The following RYR3 variants were observed in gnomAD, a reference collection of about 807,000 sequenced individuals.
RYR3 encodes the protein ryanodine receptor 3, also known as brain ryanodine receptor-calcium release channel.
RYR3 carries 207 observed loss-of-function variants against 584.3 expected under a neutral mutation model. That is an observed-to-expected ratio of 0.35 (90% CI 0.32 to 0.40). The LOEUF (loss-of-function observed/expected upper bound fraction) is 0.40, where lower values mean the gene tolerates loss of function less well. RYR3 is among the 10% of genes least tolerant of loss of function. RYR3 has a pLI of 1.00. For synonymous variants in RYR3, 2,416 were observed against 2,248.5 expected (o/e 1.07, Z -2.11); for missense variants, 5,616 against 6,089.2 (o/e 0.92, Z 2.59).
intron 1 of RYR3, among the ~76,000 whole-genome samples, chr15:33,463,030 G>T (rs558283570): frequency 6.6e-6 from 1 of 152,128 alleles, no homozygotes; most frequent in African/African-American, 2.4e-5. Flanking sequence ...AAATTAGCCA[G>T]GCGCACCTTG....
chr15:33,420,032 A>G (rs1055779383), intron 1 of RYR3, among the ~76,000 whole-genome samples: 1 of 152,346 alleles, frequency 6.6e-6, no homozygotes, highest in Non-Finnish European at 1.5e-5. Context: ...CACCAGCAGA[A>G]TTAAAAACTA....
chr15:33,650,375 C>CA (rs950653508), intron 31 of RYR3, among the ~76,000 whole-genome samples: 8 of 151,516 alleles, frequency 5.3e-5, no homozygotes, highest in East Asian at 1.9e-4. Flanking sequence ...GTCTCTGTCT[C>CA]AAAAAAAATA....
intron 2 of RYR3, among the ~76,000 whole-genome samples, chr15:33,498,349 G>A (rs548365063): frequency 2.6e-5 from 4 of 152,220 alleles, no homozygotes; most frequent in South Asian, 2.1e-4. Flanking sequence ...ATCAGCATTC[G>A]TGATTTTTTG....
intron 66 of RYR3, among the ~76,000 whole-genome samples, chr15:33,787,790 A>T (rs1233630107): frequency 6.6e-6 from 1 of 152,236 alleles, no homozygotes; most frequent in Admixed American, 6.5e-5. Context: ...GAAAGCATAT[A>T]CTGAGTGCCC....
intron 43 of RYR3, among the ~76,000 whole-genome samples, chr15:33,714,938 C>CT (rs2067388010): frequency 6.6e-6 from 1 of 152,320 alleles, no homozygotes; most frequent in South Asian, 2.1e-4. Flanking sequence ...TCAACCACAC[C>CT]TACCTACATA....
intron 2 of RYR3, among the ~76,000 whole-genome samples, chr15:33,495,380 A>G (rs1027151063): frequency 2.0e-5 from 3 of 152,132 alleles, no homozygotes; most frequent in Non-Finnish European, 2.9e-5. Context: ...TAGGGTTTAA[A>G]TGTTCATCCC....
chr15:33,767,900 G>C (rs555843603), intron 60 of RYR3, among the ~76,000 whole-genome samples: 12 of 152,294 alleles, frequency 7.9e-5, no homozygotes, highest in South Asian at 6.2e-4. Flanking sequence ...CAGAAACAGC[G>C]ATGGACTCCT....
At chr15:33,735,171 A>G (rs921866592) in intron 48 of RYR3, among the ~76,000 whole-genome samples, 2 of 152,126 alleles carry the variant, frequency 1.3e-5, no homozygotes, top group African/African-American at 2.4e-5. Flanking sequence ...GACTTATTGC[A>G]CTCTTTGTAT....
At chr15:33,428,758 G>A (rs1171592821) in intron 1 of RYR3, among the ~76,000 whole-genome samples, 1 of 151,954 alleles carries the variant, frequency 6.6e-6, no homozygotes, top group Non-Finnish European at 1.5e-5. Flanking sequence ...TTTTTAAGAT[G>A]AGTAATAAAC....
chr15:33,376,042 G>T (rs570782701), intron 1 of RYR3, among the ~76,000 whole-genome samples: 2 of 152,074 alleles, frequency 1.3e-5, no homozygotes, highest in Non-Finnish European at 2.9e-5. Flanking sequence ...CCAGCCTGGG[G>T]AACAGAGTGC....
chr15:33,845,091 C>G (rs12899715), intron 93 of RYR3, 29 bp downstream of exon 93: 1,065,866 of 1,608,638 alleles, frequency 0.66, 362,660 homozygotes, highest in Admixed American at 0.72. Flanking sequence ...TGGATCTAAT[C>G]TCACTCCTTG....
chr15:33,741,910 G>A (rs111837560), intron 51 of RYR3, among the ~76,000 whole-genome samples: 30,020 of 152,020 alleles, frequency 0.2, 3,109 homozygotes, highest in African/African-American at 0.27. Context: ...CACAGCGCCC[G>A]GCCCCAAAAT....
At chr15:33,591,491 A>C (rs1296960121) in intron 16 of RYR3, among the ~76,000 whole-genome samples, 1 of 152,222 alleles carries the variant, frequency 6.6e-6, no homozygotes, top group Non-Finnish European at 1.5e-5. Flanking sequence ...GTGAGCCAGA[A>C]TCTACTCCTG....
chr15:33,605,088 G>A (rs1257035160), intron 18 of RYR3, among the ~76,000 whole-genome samples: 1 of 152,192 alleles, frequency 6.6e-6, no homozygotes, highest in Non-Finnish European at 1.5e-5. Context: ...AGACCCTGGG[G>A]TGAAGCAAAT....
intron 43 of RYR3, among the ~76,000 whole-genome samples, chr15:33,718,884 A>C (rs925340081): frequency 2.6e-5 from 4 of 152,198 alleles, no homozygotes; most frequent in African/African-American, 9.6e-5. Context: ...CTCATTATTC[A>C]TATTAGAACT....
chr15:33,721,087 A>G (rs2067872333), intron 43 of RYR3, among the ~76,000 whole-genome samples: 1 of 152,236 alleles, frequency 6.6e-6, no homozygotes, highest in Admixed American at 6.5e-5. Flanking sequence ...GTAACAATAA[A>G]TGACCAGGTT....
Position 33,503,729 on chromosome 15 carries a change from C to G in RYR3, c.270C>G (p.Gly90=). The G allele has an allele frequency of 6.2e-7, 1 of 1,607,394 alleles. No individual in the cohort carries two copies. Among genetic ancestry groups the G allele is most frequent in the Non-Finnish European group, 8.5e-7 (1 of 1,175,808 alleles). ...QEMLANTGEN[G]GEGAAQGGGH... ...TGCTTGCCAACACAGGTGAAAATGG[C>G]GGCGAAGGGGTGAGTACCCGAATTG... Residue 90 remains glycine, a synonymous_variant, in exon 3 of 104, where the codon GGC becomes GGG. Transcript: ENST00000634891.
At position 33,493,349 on chromosome 15, in the gene RYR3, T is replaced by G. The variant is rs12440444; in HGVS notation, c.172-10282T>G. ...TTTCTGATATGCAAGCTCTTTGGAA[T>G]AACATCTTCATGGTTTCTCATCACA... On this transcript the variant is annotated intron_variant, in intron 2 of 103. Coordinates refer to ENST00000634891, the MANE Select transcript of RYR3 (RefSeq NM_001036.6). Among the ~76,000 whole-genome samples, 207 of 152,354 alleles carry G rather than the reference T, an allele frequency of 1.4e-3. 3 individuals are homozygous for G. The East Asian group carries it at 0.016, about 12-fold the overall frequency.
intron 94 of RYR3, chr15:33,852,431 G>T: frequency 6.5e-6 from 1 of 154,280 alleles, no homozygotes; most frequent in East Asian, 1.9e-4. Flanking sequence ...GGATGGTACA[G>T]AACCATCTCC....
Sources: allele counts gnomAD v4.1 joint callset (sites outside exome capture counted in the v4.1 genomes callset), GRCh38; gene constraint gnomAD v4.1.1; transcripts MANE v1.5; gene names NCBI Gene and HGNC (gene_info 2026-07-23, HGNC 2026-07-21).